Variants in TENM3 observed in about 807,000 individuals in gnomAD.
The protein encoded by TENM3 is teneurin transmembrane protein 3.
Under a neutral mutation model 255.1 loss-of-function variants are expected in TENM3, and 63 were observed. The ratio of observed to expected loss-of-function variants is 0.25; its 90% CI spans 0.20 to 0.30. The LOEUF is 0.30. TENM3 is among the 10% of genes least tolerant of loss of function. The pLI is 1.00. For missense variants in TENM3, 2,929 were observed against 3,461.1 expected, an observed-to-expected ratio of 0.85 and a Z score of 3.86; for synonymous variants, 1,306 against 1,322.3, an observed-to-expected ratio of 0.99 and a Z score of 0.27.
chr4:182,141,733 G>C (rs949919246), upstream of TENM3: 1 of 152,228 alleles, frequency 6.6e-6, no homozygotes, highest in African/African-American at 2.4e-5. Flanking sequence ...CTAGAGACAG[G>C]AGCCAAGATT....
At chr4:181,646,428 T>G in the TENM3 span, among the ~76,000 whole-genome samples, 6 of 152,154 alleles carry the variant, frequency 3.9e-5, no homozygotes, top group African/African-American at 7.2e-5. Flanking sequence ...GAAGGTGTTT[T>G]GACAGAGTTA....
intron 1 of TENM3, among the ~76,000 whole-genome samples, chr4:182,264,353 G>A (rs879304415): frequency 6.6e-6 from 1 of 152,222 alleles, no homozygotes; most frequent in Non-Finnish European, 1.5e-5. Flanking sequence ...ACTGGATGAA[G>A]TCTCCACGTT....
At chr4:181,726,902 G>A in the TENM3 span, among the ~76,000 whole-genome samples, 1 of 152,304 alleles carries the variant, frequency 6.6e-6, no homozygotes, top group Admixed American at 6.5e-5. Context: ...TAATTTGCTA[G>A]AGCAGCTCAC....
the TENM3 span, among the ~76,000 whole-genome samples, chr4:181,714,364 G>A: frequency 6.6e-6 from 1 of 152,178 alleles, no homozygotes; most frequent in African/African-American, 2.4e-5. Flanking sequence ...ATCACTTGAA[G>A]CCTGGGAGGT....
chr4:181,534,613 T>C, the TENM3 span, among the ~76,000 whole-genome samples: 1 of 152,176 alleles, frequency 6.6e-6, no homozygotes. Context: ...CAGGAAAACT[T>C]TCCGGACTGC....
intron 3 of TENM3, among the ~76,000 whole-genome samples, chr4:182,456,355 T>C (rs1332123986): frequency 6.6e-6 from 1 of 152,216 alleles, no homozygotes; most frequent in African/African-American, 2.4e-5. Context: ...GACTCAGAGC[T>C]AATTTCATTA....
intron 1 of TENM3, among the ~76,000 whole-genome samples, chr4:182,194,560 G>A (rs149380538): frequency 2.0e-5 from 3 of 152,288 alleles, no homozygotes; most frequent in African/African-American, 7.2e-5. Context: ...ATACAAGCCT[G>A]CTGAAAAACA....
chr4:182,351,092 C>CTT (rs5864780), intron 3 of TENM3, among the ~76,000 whole-genome samples: 108,224 of 151,148 alleles, frequency 0.72, 39,151 homozygotes, highest in Middle Eastern at 0.8. Flanking sequence ...GAACAAAGGG[C>CTT]TTTTTTTTAT....
chr4:182,618,727 C>T lies in TENM3; in HGVS notation c.750-9924C>T, dbSNP rs141734595. On this transcript the variant is annotated intron_variant, in intron 4 of 27. Transcript: ENST00000511685. The stretch of plus-strand genomic sequence containing the variant: ...AATAGAGGTGATTCGGTATACTGTG[C>T]GGGTCCAAAATTTAAAACATGATGT... Among the ~76,000 whole-genome samples the T allele has an allele frequency of 4.6e-3, 701 of 151,560 alleles. 5 individuals carry two copies. The highest frequency in any genetic ancestry group is 0.016 in the African/African-American group (648 of 41,332).
the TENM3 span, among the ~76,000 whole-genome samples, chr4:181,565,785 A>C: frequency 6.6e-6 from 1 of 152,208 alleles, no homozygotes; most frequent in African/African-American, 2.4e-5. Context: ...TAATCAATTT[A>C]TTTTCTTACA....
At chr4:181,926,859 A>G in the TENM3 span, among the ~76,000 whole-genome samples, 2 of 151,762 alleles carry the variant, frequency 1.3e-5, no homozygotes, top group African/African-American at 4.8e-5. Flanking sequence ...AGACCACGGA[A>G]GGCAAGCAGA....
intron 15 of TENM3, 125 bp downstream of exon 15, chr4:182,730,444 A>G (rs1021671713): frequency 2.9e-6 from 3 of 1,024,822 alleles, no homozygotes; most frequent in Non-Finnish European, 4.2e-6. Context: ...AGACTCTACA[A>G]ACTTGTGACA....
At chr4:182,069,871 A>G in the TENM3 span, among the ~76,000 whole-genome samples, 1 of 152,164 alleles carries the variant, frequency 6.6e-6, no homozygotes. Context: ...CAAGGTAAGG[A>G]CAGCCAGTTA....
chr4:182,675,227 A>G (rs1410368242), intron 7 of TENM3, among the ~76,000 whole-genome samples: 2 of 152,036 alleles, frequency 1.3e-5, no homozygotes, highest in Non-Finnish European at 2.9e-5. Context: ...CTTATAGGTG[A>G]CACTGACTAG....
the TENM3 span, among the ~76,000 whole-genome samples, chr4:182,089,983 C>T: frequency 6.6e-6 from 1 of 152,122 alleles, no homozygotes; most frequent in African/African-American, 2.4e-5. Context: ...TGACTCAGTC[C>T]ATCTAATTCC....
At chr4:182,081,128 G>C in the TENM3 span, among the ~76,000 whole-genome samples, 2 of 152,134 alleles carry the variant, frequency 1.3e-5, no homozygotes, top group Admixed American at 1.3e-4. Flanking sequence ...TGTAAGAATA[G>C]ATGAAAAAAA....
At chr4:182,055,144 C>T in the TENM3 span, among the ~76,000 whole-genome samples, 3 of 151,970 alleles carry the variant, frequency 2.0e-5, no homozygotes, top group Admixed American at 1.3e-4. Context: ...CCCAGGAGTT[C>T]GAGTCCAGTT....
the TENM3 span, among the ~76,000 whole-genome samples, chr4:181,933,483 CT>C: frequency 6.6e-6 from 1 of 152,142 alleles, no homozygotes; most frequent in South Asian, 2.1e-4. Flanking sequence ...CTTTTGTCGT[CT>C]GATATTGAAA....
chr4:182,388,065 C>A (rs1317786252), intron 3 of TENM3, among the ~76,000 whole-genome samples: 2 of 152,030 alleles, frequency 1.3e-5, no homozygotes, highest in Non-Finnish European at 2.9e-5. Context: ...CTCGCACTTT[C>A]GCAAATTATG....
Sources: allele counts gnomAD v4.1 joint callset (sites outside exome capture counted in the v4.1 genomes callset), GRCh38; gene constraint gnomAD v4.1.1; transcripts MANE v1.5; gene names NCBI Gene and HGNC (gene_info 2026-07-23, HGNC 2026-07-21).